Variants in INPP4B observed in about 807,000 individuals in gnomAD.
The protein encoded by INPP4B is inositol polyphosphate-4-phosphatase type II B.
Under a neutral mutation model 122.5 loss-of-function variants are expected in INPP4B, and 55 were observed. The observed-to-expected ratio is 0.45, with a 90% confidence interval of 0.36 to 0.56. INPP4B has a LOEUF of 0.56. INPP4B is among the 20% of genes least tolerant of loss of function. INPP4B has a pLI of 0.00. For synonymous variants in INPP4B, 403 were observed against 388.7 expected (o/e 1.04, Z -0.43); for missense variants, 1,000 against 1,097.7 (o/e 0.91, Z 1.26).
At chr4:142,348,080 A>G (rs1031380160) in intron 7 of INPP4B, among the ~76,000 whole-genome samples, 7 of 152,106 alleles carry the variant, frequency 4.6e-5, no homozygotes, top group African/African-American at 1.4e-4. Context: ...AATCACCACC[A>G]TCAACAAAAA....
intron 2 of INPP4B, among the ~76,000 whole-genome samples, chr4:142,713,734 G>A (rs1241543547): frequency 6.6e-6 from 1 of 152,144 alleles, no homozygotes; most frequent in East Asian, 1.9e-4. Context: ...TGTCCCTGGA[G>A]TCCCCTGAAA....
At chr4:142,834,012 A>G (rs537900113) in intron 1 of INPP4B, among the ~76,000 whole-genome samples, 52 of 152,138 alleles carry the variant, frequency 3.4e-4, no homozygotes, top group Non-Finnish European at 1.5e-4. Context: ...TTCTACCTAA[A>G]GCACCTCAGA....
At chr4:142,067,682 A>T (rs1764365182) in intron 25 of INPP4B, among the ~76,000 whole-genome samples, 1 of 152,220 alleles carries the variant, frequency 6.6e-6, no homozygotes, top group Non-Finnish European at 1.5e-5. Flanking sequence ...TACGCGACAC[A>T]TGCACAAGCT....
At chr4:142,197,512 T>A (rs1342001239) in intron 14 of INPP4B, among the ~76,000 whole-genome samples, 1 of 152,172 alleles carries the variant, frequency 6.6e-6, no homozygotes, top group East Asian at 1.9e-4. Context: ...TATATTCAAA[T>A]AAAATAATGA....
chr4:142,158,818 T>C (rs1818558214), intron 17 of INPP4B, among the ~76,000 whole-genome samples: 1 of 151,850 alleles, frequency 6.6e-6, no homozygotes, highest in African/African-American at 2.4e-5. Flanking sequence ...GGGAAGGGTT[T>C]GTAAAACATA....
At chr4:142,454,584 C>T (rs1173695697) in intron 3 of INPP4B, among the ~76,000 whole-genome samples, 1 of 151,896 alleles carries the variant, frequency 6.6e-6, no homozygotes, top group Non-Finnish European at 1.5e-5. Context: ...CATCTGGATC[C>T]GTCATGTCAT....
intron 3 of INPP4B, among the ~76,000 whole-genome samples, chr4:142,441,261 G>T (rs1052800968): frequency 3.9e-5 from 6 of 152,048 alleles, no homozygotes; most frequent in African/African-American, 1.4e-4. Context: ...ATAATAATGA[G>T]GGTTAAGCCA....
intron 18 of INPP4B, among the ~76,000 whole-genome samples, chr4:142,138,227 TC>T (rs1805697749): frequency 6.6e-6 from 1 of 151,842 alleles, no homozygotes; most frequent in Middle Eastern, 3.4e-3. Flanking sequence ...TGAGTTCATG[TC>T]CTTTGTAGGG....
At chr4:142,473,138 T>C (rs1444271756) in intron 2 of INPP4B, 4 of 152,078 alleles carry the variant, frequency 2.6e-5, no homozygotes, top group Non-Finnish European at 5.9e-5. Flanking sequence ...AACTGATCAG[T>C]GTCATCTGAT....
At chr4:142,072,669 A>C (rs1055887315) in intron 25 of INPP4B, among the ~76,000 whole-genome samples, 2 of 152,002 alleles carry the variant, frequency 1.3e-5, no homozygotes, top group Admixed American at 1.3e-4. Context: ...AACAGTCATC[A>C]CCACACATCA....
At chr4:142,626,504 C>A (rs1266360276) in intron 2 of INPP4B, among the ~76,000 whole-genome samples, 1 of 151,954 alleles carries the variant, frequency 6.6e-6, no homozygotes, top group African/African-American at 2.4e-5. Context: ...GGTCTCAGTT[C>A]TACAATCATA....
chr4:142,410,815 A>G (rs564473029), intron 5 of INPP4B, among the ~76,000 whole-genome samples: 1 of 152,214 alleles, frequency 6.6e-6, no homozygotes, highest in African/African-American at 2.4e-5. Flanking sequence ...TATTGACATT[A>G]ATATATAGTT....
chr4:142,444,912 C>A (rs188102293), intron 3 of INPP4B, among the ~76,000 whole-genome samples: 110 of 152,110 alleles, frequency 7.2e-4, no homozygotes, highest in Non-Finnish European at 2.5e-4. Flanking sequence ...AAACACACAG[C>A]CACGAAAAAC....
At chr4:142,068,195 G>T (rs1008888216) in intron 25 of INPP4B, among the ~76,000 whole-genome samples, 9 of 152,178 alleles carry the variant, frequency 5.9e-5, no homozygotes, top group Non-Finnish European at 1.0e-4. Flanking sequence ...TTAAAGAAAA[G>T]AATTTTCAAC....
rs145271421 is a variant in INPP4B at position 142,792,414 on chromosome 4, A to T, written c.-254+53795T>A. On this transcript the variant is annotated intron_variant, in intron 1 of 25. Coordinates refer to ENST00000262992, the MANE Select transcript of INPP4B (RefSeq NM_001101669.3). The stretch of plus-strand genomic sequence containing the variant: ...ACACACAGCAAAGGTTCATTTTGCT[A>T]ATTTCACTTAGCATTTTATCATAAA... Among the ~76,000 whole-genome samples the T allele has an allele frequency of 7.9e-5, 12 of 152,224 alleles. No homozygotes were observed. In the East Asian group the frequency reaches 2.3e-3, roughly 29 times the overall value.
At chr4:142,514,635 C>G (rs1309848554) in intron 2 of INPP4B, 1 of 151,998 alleles carries the variant, frequency 6.6e-6, no homozygotes, top group Non-Finnish European at 1.5e-5. Flanking sequence ...CTTAGGTCAG[C>G]TTCAATTTTC....
chr4:142,712,977 T>G (rs754185302), intron 2 of INPP4B, among the ~76,000 whole-genome samples: 1 of 152,194 alleles, frequency 6.6e-6, no homozygotes, highest in Non-Finnish European at 1.5e-5. Flanking sequence ...CTGAGGCCAG[T>G]GTTTTGCTAG....
intron 7 of INPP4B, among the ~76,000 whole-genome samples, chr4:142,348,024 C>T (rs28552507): frequency 0.014 from 2,179 of 152,146 alleles, 51 homozygotes; most frequent in African/African-American, 0.049. Context: ...AAACAAAATT[C>T]ATAGTGCCAT....
chr4:142,530,353 TTAAAC>T (rs979837600), intron 2 of INPP4B, among the ~76,000 whole-genome samples: 1 of 151,964 alleles, frequency 6.6e-6, no homozygotes, highest in African/African-American at 2.4e-5. Flanking sequence ...CATTCATTCT[TTAAAC>T]TAACATTAAT....
Sources: gnomAD v4.1 joint callset for allele counts (sites outside exome capture counted in the v4.1 genomes callset) on GRCh38, gnomAD v4.1.1 for gene constraint, MANE v1.5 for transcripts, NCBI Gene and HGNC (gene_info 2026-07-23, HGNC 2026-07-21) for gene names.